Variants in PTPRN2 observed in about 807,000 individuals in gnomAD.
The protein encoded by PTPRN2 is protein tyrosine phosphatase receptor type N2.
Under a neutral mutation model 118.8 loss-of-function variants are expected in PTPRN2, and 74 were observed. That is an observed-to-expected ratio of 0.62 (90% confidence interval 0.52 to 0.76). PTPRN2 has a LOEUF of 0.76. PTPRN2 is among the 30% of genes least tolerant of loss of function. PTPRN2 has a pLI of 0.00. For synonymous variants in PTPRN2, 641 were observed against 608.0 expected, an observed-to-expected ratio of 1.05 and a Z score of -0.80; for missense variants, 1,481 against 1,394.4, an observed-to-expected ratio of 1.06 and a Z score of -0.99.
chr7:157,880,691 A>C (rs1796060875), intron 12 of PTPRN2, among the ~76,000 whole-genome samples: 1 of 152,232 alleles, frequency 6.6e-6, no homozygotes, highest in South Asian at 2.1e-4. Flanking sequence ...GATGGCTCAG[A>C]CTGAACCGTG....
In PTPRN2 at chr7:157,905,985, CA is replaced by C. The variant is rs1198218990; in HGVS notation, c.1724-7249del. Among the ~76,000 whole-genome samples, 4 of 152,206 alleles carry C rather than the reference CA, an allele frequency of 2.6e-5. No individual in the cohort carries two copies. The East Asian group carries it at 7.7e-4, about 29-fold the overall frequency. On this transcript the variant is annotated intron_variant, in intron 11 of 22. Transcript: ENST00000389418. Reference sequence around the variant, plus strand: ...CACAGCCACCGTAAACAAGCTGCCTCAACGCTGCCACTTTCCACCCAGGGCC... The same window carrying C: ...CACAGCCACCGTAAACAAGCTGCCTCACGCTGCCACTTTCCACCCAGGGCC...
Position 157,959,451 on chromosome 7 carries a change from C to T in PTPRN2, c.1724-60714G>A, listed in dbSNP as rs905458305. Among the ~76,000 whole-genome samples, 8 of 152,256 alleles carry T rather than the reference C, an allele frequency of 5.3e-5. No individual in the cohort carries two copies. In the East Asian group the frequency reaches 1.2e-3, roughly 22 times the overall value. On this transcript the variant is annotated intron_variant, in intron 11 of 22. Transcript: ENST00000389418. ...AAGTAACCCAAAGAATGAGAGAAAA[C>T]ATTTGAAAATTACATATCTGATTAG...
At chr7:158,028,005 T>C in intron 11 of PTPRN2, 1 of 152,204 alleles carries the variant, frequency 6.6e-6, no homozygotes. Flanking sequence ...AGTTTGAACT[T>C]TACATACATT....
chr7:157,879,347 GCACACCCAAACACA>G (rs1795983705), intron 12 of PTPRN2, among the ~76,000 whole-genome samples: 1 of 152,082 alleles, frequency 6.6e-6, no homozygotes, highest in Non-Finnish European at 1.5e-5. Flanking sequence ...CCCCCAACAC[GCACACCCAAACACA>G]CACGCATGCA....
At chr7:158,559,008 C>G (rs1827217004) in intron 1 of PTPRN2, among the ~76,000 whole-genome samples, 1 of 152,100 alleles carries the variant, frequency 6.6e-6, no homozygotes, top group Admixed American at 6.5e-5. Flanking sequence ...CTGGGGGGTC[C>G]AGAGGCCCAG....
intron 6 of PTPRN2, among the ~76,000 whole-genome samples, chr7:158,139,498 G>C (rs985303149): frequency 9.9e-5 from 15 of 151,404 alleles, no homozygotes; most frequent in Middle Eastern, 3.4e-3. Context: ...GGCACGGGGG[G>C]GTGGGAAAGG....
intron 2 of PTPRN2, among the ~76,000 whole-genome samples, chr7:158,362,178 G>A (rs1261766052): frequency 9.2e-5 from 14 of 152,282 alleles, no homozygotes; most frequent in Admixed American, 5.9e-4. Flanking sequence ...GACCTCCATC[G>A]CCCCAGCTCT....
intron 11 of PTPRN2, among the ~76,000 whole-genome samples, chr7:157,988,086 A>G (rs1803946485): frequency 6.6e-6 from 1 of 152,192 alleles, no homozygotes; most frequent in African/African-American, 2.4e-5. Flanking sequence ...AAGCTGCCTC[A>G]TGCAGACGGA....
Position 157,673,378 on chromosome 7 carries a change from G to A in PTPRN2, c.2001+9347C>T, listed in dbSNP as rs112810171. 2.2e-4 allele frequency among the ~76,000 whole-genome samples: 34 copies of A among 152,284 alleles called. 1 individual carries two copies. The highest frequency in any genetic ancestry group is 8.2e-4 in the African/African-American group (34 of 41,562). On this transcript the variant is annotated intron_variant, in intron 13 of 22. Coordinates refer to ENST00000389418, the MANE Select transcript of PTPRN2 (RefSeq NM_002847.5). ...CCCAAAGCAGAAAAGCCACGGAGAC[G>A]TTACATTTTGAGCAACAAAGTTTCA...
chr7:157,748,384 T>C (rs1238491489), intron 12 of PTPRN2, among the ~76,000 whole-genome samples: 1 of 149,522 alleles, frequency 6.7e-6, no homozygotes, highest in Non-Finnish European at 1.5e-5. Context: ...GCCTGGGTGA[T>C]TTTGAGGCCT....
chr7:158,264,442 A>G (rs73746447), intron 3 of PTPRN2, among the ~76,000 whole-genome samples: 3,110 of 152,110 alleles, frequency 0.02, 124 homozygotes, highest in African/African-American at 0.07. Context: ...CTCTTCCTAC[A>G]TGCTGGACAC....
At chr7:158,017,274 G>T (rs142363520) in intron 11 of PTPRN2, among the ~76,000 whole-genome samples, 21 of 152,318 alleles carry the variant, frequency 1.4e-4, no homozygotes, top group African/African-American at 4.3e-4. Context: ...TTCCCAGCTA[G>T]GAACATCAAA....
chr7:158,576,205 A>C (rs1194492820), intron 1 of PTPRN2, among the ~76,000 whole-genome samples: 1 of 152,182 alleles, frequency 6.6e-6, no homozygotes, highest in East Asian at 1.9e-4. Flanking sequence ...AAACACACCA[A>C]GTCACTCACA....
intron 12 of PTPRN2, among the ~76,000 whole-genome samples, chr7:157,725,958 G>T (rs1416474793): frequency 8.2e-6 from 1 of 121,342 alleles, no homozygotes; most frequent in African/African-American, 3.5e-5. Flanking sequence ...AGGAGAACTG[G>T]ATATCCACAT....
chr7:158,133,328 G>A (rs894696504), intron 9 of PTPRN2, among the ~76,000 whole-genome samples: 2 of 152,168 alleles, frequency 1.3e-5, no homozygotes, highest in Non-Finnish European at 2.9e-5. Flanking sequence ...ACCCCACCCT[G>A]CCTGGCCGCC....
intron 16 of PTPRN2, among the ~76,000 whole-genome samples, chr7:157,601,844 A>G (rs1031554384): frequency 1.3e-5 from 2 of 152,188 alleles, no homozygotes; most frequent in Admixed American, 1.3e-4. Flanking sequence ...CAAATGGTTC[A>G]TCTCAGGGAA....
At chr7:158,279,567 A>C (rs1380104383) in intron 3 of PTPRN2, among the ~76,000 whole-genome samples, 2 of 152,204 alleles carry the variant, frequency 1.3e-5, no homozygotes, top group Non-Finnish European at 2.9e-5. Context: ...AGGGAATGGC[A>C]GTCCTCTCAC....
chr7:158,095,234 T>C lies in PTPRN2; in HGVS notation c.1644-13857A>G, dbSNP rs111238421. ...GAGTGAAGTGATTTTTATTTGGTCC[T>C]GGTGAGAAAAATAAGAATAACGCCA... On this transcript the variant is annotated intron_variant, in intron 10 of 22. Transcript: ENST00000389418. Among the ~76,000 whole-genome samples the C allele has an allele frequency of 3.7e-3, 558 of 150,934 alleles. 5 individuals carry two copies. Among genetic ancestry groups the C allele is most frequent in the African/African-American group, 0.012 (513 of 41,046 alleles).
At chr7:157,613,630 G>C (rs1264450119) in intron 15 of PTPRN2, among the ~76,000 whole-genome samples, 1 of 152,178 alleles carries the variant, frequency 6.6e-6, no homozygotes, top group Non-Finnish European at 1.5e-5. Flanking sequence ...TTCCTTCCCC[G>C]GTTCTCCAGC....
Sources: gnomAD v4.1 joint callset for allele counts (sites outside exome capture counted in the v4.1 genomes callset) on GRCh38, gnomAD v4.1.1 for gene constraint, MANE v1.5 for transcripts, NCBI Gene and HGNC (gene_info 2026-07-23, HGNC 2026-07-21) for gene names.